Variants in RFTN1 observed in about 807,000 individuals in gnomAD.
The protein encoded by RFTN1 is raftlin.
RFTN1 carries 26 observed loss-of-function variants against 46.5 expected under a neutral mutation model. The observed-to-expected ratio is 0.56, with a 90% confidence interval of 0.41 to 0.78. The LOEUF is 0.78. Among genes scored for constraint, RFTN1 ranks in the 30% least tolerant of loss-of-function variants. The probability of loss-of-function intolerance (pLI) is 0.00; values close to 1 mark genes in which losing one functional copy is unlikely to be tolerated. For missense variants in RFTN1, 693 were observed against 718.7 expected (o/e 0.96, Z 0.41); for synonymous variants, 261 against 284.2 (o/e 0.92, Z 0.82).
rs1377750431 is a variant in RFTN1 at position 16,352,595 on chromosome 3, G to C, written c.1146+5337C>G. 1.3e-5 allele frequency among the ~76,000 whole-genome samples: 2 copies of C among 152,170 alleles called. No homozygotes were observed. The highest frequency in any genetic ancestry group is 4.1e-4 in the South Asian group (2 of 4,828). ...TGTATTTGACTCTACAGGTTCCCTA[G>C]CCCAACCTCCTCTGTGCTTTTAGCA... On this transcript the variant is annotated intron_variant, in intron 7 of 9. Coordinates refer to ENST00000334133, the MANE Select transcript of RFTN1 (RefSeq NM_015150.2). The surrounding 1 kb of genome is among the most constrained non-coding windows in gnomAD (Gnocchi z 4.6).
rs1430284629 is a variant in RFTN1, at chr3:16,403,731, ATATAT to A, written c.441+5639_441+5643del. ...ATATAATATATAATATATATATTATATATATTATATTATATATTATATATAAAATA... is the reference window on the plus strand; with the variant it reads ...ATATAATATATAATATATATATTATATATATTATATATTATATATAAAATA... On this transcript the variant is annotated intron_variant, in intron 4 of 9. Coordinates refer to ENST00000334133, the MANE Select transcript of RFTN1 (RefSeq NM_015150.2). Among the ~76,000 whole-genome samples, 138 of 18,760 alleles carry A rather than the reference ATATAT, an allele frequency of 7.4e-3. 18 individuals carry two copies. Among genetic ancestry groups the A allele is most frequent in the Non-Finnish European group, 9.4e-3 (116 of 12,288 alleles). 12.3% of individuals were successfully genotyped at this position (18,760 alleles called of 152,430 possible). A position where few individuals can be genotyped will look rare whatever the true frequency, so the allele number is the denominator to read the frequency against.
rs754232630 is a variant in RFTN1 at position 16,323,456 on chromosome 3, C to T, written c.1252G>A (p.Glu418Lys). The change falls in exon 9 of 10, where the codon GAG becomes AAG. Residue 418 changes from glutamate (E) to lysine (K), a missense_variant and splice_region_variant. Transcript: ENST00000334133. ...ATCTGCTTGGTGGATACACTCCCCT[C>T]GCTGTAACACACGGAGCTGAGAATG... Reference protein sequence around the residue: ...LPTPVVKTTSEGSVSTKQIVF... With the variant: ...LPTPVVKTTSKGSVSTKQIVF... The T allele has an allele frequency of 4.2e-5, 68 of 1,609,752 alleles. 1 individual carries two copies. Among genetic ancestry groups the T allele is most frequent in the Admixed American group, 1.7e-4 (10 of 59,916 alleles).
intron 2 of RFTN1, among the ~76,000 whole-genome samples, chr3:16,441,353 A>G (rs899249272): frequency 2.0e-5 from 3 of 151,704 alleles, no homozygotes; most frequent in African/African-American, 7.3e-5. Flanking sequence ...GAGAAAAAAC[A>G]TAATCCACAA....
At chr3:16,414,068 G>A (rs1419745860) in intron 3 of RFTN1, among the ~76,000 whole-genome samples, 1 of 152,146 alleles carries the variant, frequency 6.6e-6, no homozygotes, top group Non-Finnish European at 1.5e-5. Flanking sequence ...CTATAATTGT[G>A]TTCTTACTTT....
chr3:16,387,606 CTCTCTA>C lies in RFTN1; in HGVS notation c.442-9510_442-9505del, dbSNP rs1395220369. ...TCTCTCTCTCTCTCTCTCTCTCTCT[CTCTCTA>C]CTGGCTCCTTCCACTCAGCATACAA... On this transcript the variant is annotated intron_variant, in intron 4 of 9. Transcript: ENST00000334133. This position sits in a 1 kb window ranked among gnomAD's most constrained non-coding sequence, Gnocchi z 5.2. 6.7e-4 allele frequency among the ~76,000 whole-genome samples: 89 copies of C among 133,064 alleles called. No homozygotes were observed. The highest frequency in any genetic ancestry group is 2.4e-3 in the African/African-American group (83 of 35,076). The allele number at this position is 133,064 out of a possible 152,430, so 87.3% of individuals were successfully genotyped here.
chr3:16,354,070 T>G (rs2072266734), intron 7 of RFTN1, among the ~76,000 whole-genome samples: 1 of 152,214 alleles, frequency 6.6e-6, no homozygotes, highest in African/African-American at 2.4e-5. Flanking sequence ...TACCTTGGGC[T>G]GAACCAAAAA....
Position 16,425,790 on chromosome 3 carries a change from G to C in RFTN1, c.332+8061C>G, listed in dbSNP as rs989832553. Among the ~76,000 whole-genome samples the C allele has an allele frequency of 2.0e-5, 3 of 152,132 alleles. No homozygotes were observed. The highest frequency in any genetic ancestry group is 4.4e-5 in the Non-Finnish European group (3 of 68,042). On this transcript the variant is annotated intron_variant, in intron 3 of 9. Coordinates refer to ENST00000334133, the MANE Select transcript of RFTN1 (RefSeq NM_015150.2). This position sits in a 1 kb window ranked among gnomAD's most constrained non-coding sequence, Gnocchi z 4.3. ...CACCAGAAAAGGGTGTCACTCCAGA[G>C]TGAGATGGGAAAATAAGAGGAATAA...
intron 7 of RFTN1, chr3:16,339,236 G>A (rs549514150): frequency 6.6e-6 from 1 of 152,328 alleles, no homozygotes; most frequent in African/African-American, 2.4e-5. Context: ...TCTCTTTGTG[G>A]TGACTCAACT....
At chr3:16,359,102 C>T (rs60778213) in intron 6 of RFTN1, among the ~76,000 whole-genome samples, 1 of 151,060 alleles carries the variant, frequency 6.6e-6, no homozygotes, top group Non-Finnish European at 1.5e-5. Flanking sequence ...AAGGGAAGCA[C>T]CTTTTGCCCC....
In RFTN1 at chr3:16,433,439, C is replaced by T. The variant is rs546890277; in HGVS notation, c.332+412G>A. 6.6e-6 allele frequency among the ~76,000 whole-genome samples: 1 copy of T among 152,286 alleles called. No homozygotes were observed. Among genetic ancestry groups the T allele is most frequent in the South Asian group, 2.1e-4 (1 of 4,828 alleles). ...CGCAAAATGTTAAAGTATTTCTAGA[C>T]TTTGCGGGAAGACATTAAGTTTGTC... On this transcript the variant is annotated intron_variant, in intron 3 of 9. Coordinates refer to ENST00000334133, the MANE Select transcript of RFTN1 (RefSeq NM_015150.2). This position sits in a 1 kb window ranked among gnomAD's most constrained non-coding sequence, Gnocchi z 4.4.
chr3:16,427,356 T>C lies in RFTN1; in HGVS notation c.332+6495A>G, dbSNP rs1396853631. On this transcript the variant is annotated intron_variant, in intron 3 of 9. Coordinates refer to ENST00000334133, the MANE Select transcript of RFTN1 (RefSeq NM_015150.2). The surrounding 1 kb of genome is among the most constrained non-coding windows in gnomAD (Gnocchi z 5.4). ...CTGTCTTAGAATAAAGACAGAGTCT[T>C]CAGAATTTTAGATTCTGGGTCTCAA... 6.6e-6 allele frequency among the ~76,000 whole-genome samples: 1 copy of C among 152,202 alleles called. No individual in the cohort carries two copies. Among genetic ancestry groups the C allele is most frequent in the Non-Finnish European group, 1.5e-5 (1 of 68,028 alleles).
At position 16,345,850 on chromosome 3, in the gene RFTN1, A is replaced by G. The variant is rs762804090; in HGVS notation, c.1146+12082T>C. 6.3e-4 allele frequency among the ~76,000 whole-genome samples: 17 copies of G among 26,998 alleles called. No homozygotes were observed. Among genetic ancestry groups the G allele is most frequent in the South Asian group, 1.1e-3 (1 of 888 alleles). The allele number at this position is 26,998 out of a possible 152,430, so 17.7% of individuals were successfully genotyped here. ...CGCGTGCGCGCACGCGCACATGTGCATGTGTATGTGTATAATCTCCTACTG... is the reference window on the plus strand; with the variant it reads ...CGCGTGCGCGCACGCGCACATGTGCGTGTGTATGTGTATAATCTCCTACTG... On this transcript the variant is annotated intron_variant, in intron 7 of 9. Transcript: ENST00000334133. This position sits in a 1 kb window ranked among gnomAD's most constrained non-coding sequence, Gnocchi z 5.2.
At position 16,429,356 on chromosome 3, in the gene RFTN1, C is replaced by T. The variant is rs1169152801; in HGVS notation, c.332+4495G>A. ...ATGCTCTCCAATTACTCAAATACTA[C>T]TAGAAAACATTTCATTAGGAGATTT... On this transcript the variant is annotated intron_variant, in intron 3 of 9. Transcript: ENST00000334133. The surrounding 1 kb of genome is among the most constrained non-coding windows in gnomAD (Gnocchi z 6.4). Among the ~76,000 whole-genome samples the T allele has an allele frequency of 6.6e-6, 1 of 152,146 alleles. No homozygotes were observed. The highest frequency in any genetic ancestry group is 2.4e-5 in the African/African-American group (1 of 41,420).
intron 4 of RFTN1, among the ~76,000 whole-genome samples, chr3:16,386,179 G>C (rs1259179684): frequency 1.4e-5 from 2 of 147,240 alleles, no homozygotes; most frequent in Non-Finnish European, 3.0e-5. Flanking sequence ...GGTAAAATCT[G>C]TGCATACAGA....
At position 16,370,048 on chromosome 3, in the gene RFTN1, A is replaced by C. The variant is rs765360933; in HGVS notation, c.1030+28T>G. On this transcript the variant is annotated intron_variant, in intron 6 of 9. Transcript: ENST00000334133. The surrounding 1 kb of genome is among the most constrained non-coding windows in gnomAD (Gnocchi z 5.5). ...TTAGAAGCAGAGTTCACAAAGGGCC[A>C]CCCAAGGACTGTGAATTCCAAACAT... 6.2e-7 allele frequency: 1 copy of C among 1,606,020 alleles called. No individual in the cohort carries two copies. Among genetic ancestry groups the C allele is most frequent in the Non-Finnish European group, 8.5e-7 (1 of 1,172,606 alleles).
chr3:16,404,615 G>C (rs990401676), intron 4 of RFTN1, among the ~76,000 whole-genome samples: 1 of 151,078 alleles, frequency 6.6e-6, no homozygotes, highest in African/African-American at 2.4e-5. Context: ...AAGTCAAACA[G>C]GACTTGGCTC....
At chr3:16,423,963 A>G (rs1372123232) in intron 3 of RFTN1, among the ~76,000 whole-genome samples, 1 of 152,220 alleles carries the variant, frequency 6.6e-6, no homozygotes, top group Non-Finnish European at 1.5e-5. Context: ...CATTATTTGC[A>G]TATAATCATT....
At chr3:16,482,428 A>C (rs574521677) in intron 2 of RFTN1, among the ~76,000 whole-genome samples, 1 of 152,228 alleles carries the variant, frequency 6.6e-6, no homozygotes, top group Non-Finnish European at 1.5e-5. Context: ...AGTAGGGCTC[A>C]ATCAAAAAGA....
intron 2 of RFTN1, among the ~76,000 whole-genome samples, chr3:16,472,953 G>C (rs575415594): frequency 1.4e-4 from 21 of 152,246 alleles, no homozygotes; most frequent in African/African-American, 5.1e-4. Flanking sequence ...CTCCAACAAT[G>C]GCCTCAGTTT....
Sources: gnomAD v4.1 joint callset for allele counts (sites outside exome capture counted in the v4.1 genomes callset) on GRCh38, gnomAD v4.1.1 for gene constraint, Gnocchi (gnomAD v3.1) non-coding constraint, MANE v1.5 for transcripts, NCBI Gene and HGNC (gene_info 2026-07-23, HGNC 2026-07-21) for gene names.